The following SEC31B variants were observed in gnomAD, a reference collection of about 807,000 sequenced individuals.
SEC31B encodes protein transport protein Sec31B.
In SEC31B, 113 loss-of-function variants were observed where a neutral mutation model predicts 135.0. That is an observed-to-expected ratio of 0.84 (90% CI 0.72 to 0.98). The LOEUF is 0.98. SEC31B is among the 50% of genes least tolerant of loss of function. The pLI is 0.00. For synonymous variants in SEC31B, 508 were observed against 549.4 expected (o/e 0.92, Z 1.05); for missense variants, 1,296 against 1,421.1 (o/e 0.91, Z 1.42).
chr10:100,502,617 G>C (rs1353840813), intron 10 of SEC31B, 133 bp from the exon 11 acceptor site: 6 of 634,356 alleles, frequency 9.5e-6, no homozygotes, highest in African/African-American at 1.8e-5. Flanking sequence ...GAGTTCCTGG[G>C]GGGTGGAATA....
chr10:100,495,359 AAATG>A (rs1424372105), intron 19 of SEC31B, 22 bp downstream of exon 19: 2 of 1,604,098 alleles, frequency 1.2e-6, no homozygotes, highest in South Asian at 1.1e-5. Context: ...TTGAATGAAC[AAATG>A]AATGAACAAA....
chr10:100,490,968 T>C (rs1851290680), intron 19 of SEC31B, 85 bp from the exon 20 acceptor site: 2 of 1,022,998 alleles, frequency 2.0e-6, no homozygotes, highest in Non-Finnish European at 2.6e-6. Flanking sequence ...GGAAAATTAA[T>C]GAAACAAAAA....
intron 3 of SEC31B, among the ~76,000 whole-genome samples, chr10:100,509,955 G>A (rs1233158982): frequency 6.6e-6 from 1 of 152,138 alleles, no homozygotes. Context: ...TTAGCTGTCT[G>A]AACATTTAAC....
chr10:100,496,336 G>A lies in SEC31B; in HGVS notation c.2232C>T (p.Val744=). Residue 744 remains valine, a synonymous_variant, in exon 18 of 26, where the codon GTC becomes GTT. Coordinates refer to ENST00000370345, the MANE Select transcript of SEC31B (RefSeq NM_015490.4). ...CTGCCAGGAGGTTGGCATACTGAGT[G>A]ACCCTGTAGGTTGTGGCAGGGCCTG... is the stretch of plus-strand genomic sequence containing the variant. ...VSPGPATTYR[V]TQYANLLAAQ... is the part of the protein sequence containing the mutation. The A allele has an allele frequency of 1.2e-6, 2 of 1,614,246 alleles. No homozygotes were observed. The highest frequency in any genetic ancestry group is 1.7e-6 in the Non-Finnish European group (2 of 1,180,054).
chr10:100,488,892 A>G lies in SEC31B; in HGVS notation c.3254T>C (p.Leu1085Pro). Residue 1085 changes from leucine to proline, a missense_variant, in exon 24 of 26, where the codon CTT becomes CCT. Transcript: ENST00000370345. Reference protein sequence around the residue: ...HQSLKSSFEALLQRCSLSATD... With the variant: ...HQSLKSSFEAPLQRCSLSATD... ...TGCAGACAGGGAGCAGCGTTGGAGA[A>G]GCGCCTCAAAGCTGCTCTTCAAGGA... 1 of 1,608,148 alleles carries G rather than the reference A, an allele frequency of 6.2e-7. No homozygotes were observed. Among genetic ancestry groups the G allele is most frequent in the Non-Finnish European group, 8.5e-7 (1 of 1,177,806 alleles).
intron 5 of SEC31B, 156 bp downstream of exon 5, chr10:100,508,851 T>C: frequency 1.6e-6 from 1 of 639,702 alleles, no homozygotes; most frequent in East Asian, 2.7e-5. Context: ...ATCCTAACTC[T>C]TATCTGGCTG....
rs1388253348 is a variant in SEC31B, at chr10:100,487,253, A to G, written c.*363T>C. ...AGACCCACATGATGGGTCACAGCAG[A>G]GGTAGGCTTAAAAGTAACAATCCTG... On this transcript the variant is annotated 3_prime_UTR_variant, in exon 26 of 26. Coordinates refer to ENST00000370345, the MANE Select transcript of SEC31B (RefSeq NM_015490.4). 1 of 246,658 alleles carries G rather than the reference A, an allele frequency of 4.1e-6. No homozygotes were observed. Among genetic ancestry groups the G allele is most frequent in the African/African-American group, 2.3e-5 (1 of 43,024 alleles). The allele number at this position is 246,658 out of a possible 1,614,324, so 15.3% of individuals were successfully genotyped here.
chr10:100,490,928 G>T, intron 19 of SEC31B, 45 bp from the exon 20 acceptor site: 1 of 1,301,790 alleles, frequency 7.7e-7, no homozygotes, highest in South Asian at 2.6e-5. Flanking sequence ...GAAAGAGAAA[G>T]GTAAATAATA....
chr10:100,490,139 A>G lies in SEC31B; in HGVS notation c.2834T>C (p.Leu945Pro). 6.3e-7 allele frequency: 1 copy of G among 1,595,754 alleles called. No homozygotes were observed. Among genetic ancestry groups the G allele is most frequent in the Non-Finnish European group, 8.5e-7 (1 of 1,171,692 alleles). Reference protein sequence around the residue: ...RLFPLLPLRPLGPGRMVSHTP... With the variant: ...RLFPLLPLRPPGPGRMVSHTP... ...GTGGGAGACCATGCGGCCGGGACCT[A>G]GTGGTCTCAGAGGAAGCAGAGGGAA... Residue 945 changes from leucine (L) to proline (P), a missense_variant, in exon 21 of 26, where the codon CTA becomes CCA. By Grantham distance (98) the Leu-to-Pro change is moderately conservative (BLOSUM62 -3). Transcript: ENST00000370345.
intron 24 of SEC31B, 148 bp from the exon 25 acceptor site, chr10:100,488,246 T>C: frequency 1.5e-6 from 1 of 659,074 alleles, no homozygotes; most frequent in South Asian, 1.7e-5. Context: ...GATCATGAGG[T>C]CAGGAGATGG....
Position 100,513,403 on chromosome 10 carries a change from A to G in SEC31B, c.203+2693T>C, listed in dbSNP as rs568280673. On this transcript the variant is annotated intron_variant, in intron 3 of 25. Transcript: ENST00000370345. ...ACTAACAGCTTGAAAAACCCTTAAG[A>G]CACTAAGACTAACTGTAACTGAAGT... Among the ~76,000 whole-genome samples the G allele has an allele frequency of 7.2e-5, 11 of 152,306 alleles. 1 individual carries two copies. Among genetic ancestry groups the G allele is most frequent in the African/African-American group, 2.6e-4 (11 of 41,552 alleles).
rs1406702295 is a variant in SEC31B at position 100,512,440 on chromosome 10, CAT to C, written c.204-2931_204-2930del. Among the ~76,000 whole-genome samples the C allele has an allele frequency of 3.3e-5, 5 of 152,340 alleles. No homozygotes were observed. The East Asian group carries it at 7.7e-4, about 23-fold the overall frequency. On this transcript the variant is annotated intron_variant, in intron 3 of 25. Coordinates refer to ENST00000370345, the MANE Select transcript of SEC31B (RefSeq NM_015490.4). The stretch of plus-strand genomic sequence containing the variant: ...ACCCAACACTGTTTGCTTCACTGCA[CAT>C]GTTAATCCATATTGATTCTGACTGC...
intron 1 of SEC31B, among the ~76,000 whole-genome samples, chr10:100,519,413 G>A (rs1851909372): frequency 6.6e-6 from 1 of 152,240 alleles, no homozygotes; most frequent in Non-Finnish European, 1.5e-5. Context: ...TCCCGCTGTC[G>A]CCGAAGCGCG....
In SEC31B at chr10:100,499,144, T is replaced by G; in HGVS notation, c.1584+16A>C. The G allele has an allele frequency of 6.2e-7, 1 of 1,609,046 alleles. No individual in the cohort carries two copies. The highest frequency in any genetic ancestry group is 8.5e-7 in the Non-Finnish European group (1 of 1,175,544). On this transcript the variant is annotated intron_variant, in intron 13 of 25. Transcript: ENST00000370345. ...CTGTGTTACCATAGGTCAGGCTGACTGGACTCCTACCACACCTGGCTGCAG... is the reference window on the plus strand; with the variant it reads ...CTGTGTTACCATAGGTCAGGCTGACGGGACTCCTACCACACCTGGCTGCAG...
Position 100,507,529 on chromosome 10 carries a change from G to T in SEC31B, c.678C>A (p.Ala226=). ...CCTCTGAGCACAGCACTAACTGGGTGGCTATGTCAGGATGCCAGGCCAGGC... is the reference window on the plus strand; with the variant it reads ...CCTCTGAGCACAGCACTAACTGGGTTGCTATGTCAGGATGCCAGGCCAGGC... ...CSGLAWHPDI[A]TQLVLCSEDD... is the part of the protein sequence containing the mutation. Residue 226 remains alanine, a synonymous_variant, in exon 7 of 26, where the codon GCC becomes GCA. Coordinates refer to ENST00000370345, the MANE Select transcript of SEC31B (RefSeq NM_015490.4). 1 of 1,614,176 alleles carries T rather than the reference G, an allele frequency of 6.2e-7. No individual in the cohort carries two copies. The highest frequency in any genetic ancestry group is 8.5e-7 in the Non-Finnish European group (1 of 1,180,014).
chr10:100,517,867 CCTT>C (rs1851877654), intron 1 of SEC31B, among the ~76,000 whole-genome samples: 1 of 152,124 alleles, frequency 6.6e-6, no homozygotes, highest in African/African-American at 2.4e-5. Flanking sequence ...CTTGATCCCT[CCTT>C]CTCCCTCATT....
At chr10:100,515,284 C>A (rs1212530352) in intron 3 of SEC31B, among the ~76,000 whole-genome samples, 2 of 151,944 alleles carry the variant, frequency 1.3e-5, no homozygotes, top group Non-Finnish European at 2.9e-5. Flanking sequence ...AGAGTAAGAC[C>A]CTGTTCCAAA....
intron 14 of SEC31B, 54 bp from the exon 15 acceptor site, chr10:100,498,261 G>C: frequency 6.4e-7 from 1 of 1,572,858 alleles, no homozygotes; most frequent in South Asian, 1.1e-5. Flanking sequence ...CCAACTTCCT[G>C]CCCCCTGCAG....
rs535505537 is a variant in SEC31B, at chr10:100,503,293, C to T, written c.1180-809G>A. Among the ~76,000 whole-genome samples, 427 of 152,284 alleles carry T rather than the reference C, an allele frequency of 2.8e-3. 1 individual carries two copies. The highest frequency in any genetic ancestry group is 9.9e-3 in the African/African-American group (411 of 41,544). ...CTCCAGCAGTTCTCAACATTGGCTG[C>T]ATATTAAAACCACATGGAGAACAAT... On this transcript the variant is annotated intron_variant, in intron 10 of 25. Coordinates refer to ENST00000370345, the MANE Select transcript of SEC31B (RefSeq NM_015490.4).
Sources: gnomAD v4.1 joint callset for allele counts (sites outside exome capture counted in the v4.1 genomes callset) on GRCh38, gnomAD v4.1.1 for gene constraint, MANE v1.5 for transcripts, NCBI Gene and HGNC (gene_info 2026-07-23, HGNC 2026-07-21) for gene names.